GALNT10: variants seen among roughly 807,000 people sequenced by gnomAD.
GALNT10 encodes polypeptide N-acetylgalactosaminyltransferase 10, also known as GalNAc transferase 10.
GALNT10 carries 41 observed loss-of-function variants against 75.0 expected under a neutral mutation model. The ratio of observed to expected loss-of-function variants is 0.55; its 90% CI spans 0.43 to 0.71. The LOEUF (loss-of-function observed/expected upper bound fraction) is 0.71, where lower values mean the gene tolerates loss of function less well. Among genes scored for constraint, GALNT10 ranks in the 30% least tolerant of loss-of-function variants. The pLI is 0.00. For missense variants in GALNT10, 727 were observed against 818.5 expected, an observed-to-expected ratio of 0.89 and a Z score of 1.36; for synonymous variants, 302 against 313.0, an observed-to-expected ratio of 0.96 and a Z score of 0.37.
intron 4 of GALNT10, among the ~76,000 whole-genome samples, chr5:154,335,518 G>A (rs951649564): frequency 2.0e-4 from 31 of 152,178 alleles, no homozygotes; most frequent in Admixed American, 3.9e-4. Context: ...GAAAGAGCAG[G>A]ACAAGCACAG....
chr5:154,351,226 A>G (rs755222426), intron 4 of GALNT10, among the ~76,000 whole-genome samples: 18 of 152,248 alleles, frequency 1.2e-4, no homozygotes, highest in Non-Finnish European at 2.5e-4. Flanking sequence ...TTGCATACAA[A>G]GAAACTGAGA....
At chr5:154,375,768 A>AAT (rs1755645166) in intron 4 of GALNT10, among the ~76,000 whole-genome samples, 1 of 152,206 alleles carries the variant, frequency 6.6e-6, no homozygotes, top group African/African-American at 2.4e-5. Context: ...AATGCTGCAG[A>AAT]ATATTCTCAG....
Position 154,329,711 on chromosome 5 carries a change from G to A in GALNT10, c.541G>A (p.Val181Ile). Residue 181 changes from valine to isoleucine, a missense_variant, in exon 4 of 12, where the codon GTA becomes ATA. Coordinates refer to ENST00000297107, the MANE Select transcript of GALNT10 (RefSeq NM_198321.4). ...GCCTCCAGAGCTGGTCGCCGAGATTGTACTGGTCGACGACTTCAGTGATCG... is the reference window on the plus strand; with the variant it reads ...GCCTCCAGAGCTGGTCGCCGAGATTATACTGGTCGACGACTTCAGTGATCG... Reference protein sequence around the residue: ...RSPPELVAEIVLVDDFSDREH... With the variant: ...RSPPELVAEIILVDDFSDREH... 6.2e-7 allele frequency: 1 copy of A among 1,613,704 alleles called. No homozygotes were observed. The highest frequency in any genetic ancestry group is 8.5e-7 in the Non-Finnish European group (1 of 1,179,682).
chr5:154,346,627 C>T (rs1379927237), intron 4 of GALNT10, among the ~76,000 whole-genome samples: 4 of 152,170 alleles, frequency 2.6e-5, no homozygotes, highest in South Asian at 2.1e-4. Context: ...TTACAGGAGC[C>T]GCCTTGGCAG....
intron 6 of GALNT10, among the ~76,000 whole-genome samples, chr5:154,384,502 G>A (rs1582002894): frequency 6.6e-6 from 1 of 152,178 alleles, no homozygotes; most frequent in East Asian, 1.9e-4. Context: ...TGGAAATCTG[G>A]TGTGTATCTC....
intron 1 of GALNT10, among the ~76,000 whole-genome samples, chr5:154,232,835 C>T (rs954309819): frequency 2.0e-5 from 3 of 152,174 alleles, no homozygotes; most frequent in African/African-American, 7.2e-5. Flanking sequence ...ATTTTTCAAG[C>T]TTATTTGTCT....
chr5:154,324,912 G>A (rs1467512929), intron 3 of GALNT10, among the ~76,000 whole-genome samples: 1 of 151,982 alleles, frequency 6.6e-6, no homozygotes, highest in African/African-American at 2.4e-5. Flanking sequence ...AAATCGACTT[G>A]CTTAGAAAGA....
At chr5:154,344,270 G>T (rs1446639283) in intron 4 of GALNT10, among the ~76,000 whole-genome samples, 2 of 148,090 alleles carry the variant, frequency 1.4e-5, no homozygotes, top group Middle Eastern at 6.5e-3. Context: ...GAAGTACAGT[G>T]GCATGATCTC....
At chr5:154,191,131 T>C in intron 1 of GALNT10, 106 bp downstream of exon 1, 1 of 736,722 alleles carries the variant, frequency 1.4e-6, no homozygotes, top group Non-Finnish European at 1.9e-6. Context: ...CAGAGTCAGC[T>C]CCGAGACTCT....
At chr5:154,272,024 A>G (rs1753873721) in intron 1 of GALNT10, among the ~76,000 whole-genome samples, 3 of 152,178 alleles carry the variant, frequency 2.0e-5, no homozygotes, top group Admixed American at 1.3e-4. Flanking sequence ...GCCTGGCAGC[A>G]TATTTTTGCC....
chr5:154,339,568 C>CA lies in GALNT10; in HGVS notation c.568+9843dup, dbSNP rs768488385. Among the ~76,000 whole-genome samples the CA allele has an allele frequency of 8.7e-3, 1,101 of 125,882 alleles. 11 individuals are homozygous for CA. The highest frequency in any genetic ancestry group is 0.018 in the African/African-American group (613 of 33,880). 82.6% of individuals were successfully genotyped at this position (125,882 alleles called of 152,430 possible). A position where few individuals can be genotyped will look rare whatever the true frequency, so the allele number is the denominator to read the frequency against. ...CTGTATAAATGATTTACTGGGAGAGCAAAAAAAAAAAAATCAAATAAATCG... is the reference window on the plus strand; with the variant it reads ...CTGTATAAATGATTTACTGGGAGAGCAAAAAAAAAAAAAATCAAATAAATCG... On this transcript the variant is annotated intron_variant, in intron 4 of 11. Coordinates refer to ENST00000297107, the MANE Select transcript of GALNT10 (RefSeq NM_198321.4).
rs796825869 is a variant in GALNT10, at chr5:154,225,102, G to GT, written c.159+34086dup. On this transcript the variant is annotated intron_variant, in intron 1 of 11. Transcript: ENST00000297107. ...TGGCCTTTTTGGGGTTTTTTTGTTT[G>GT]TTTTTTTTTAGACAGAGTCTTGCTC... Among the ~76,000 whole-genome samples the GT allele has an allele frequency of 3.1e-4, 46 of 147,546 alleles. 1 individual carries two copies. The highest frequency in any genetic ancestry group is 6.1e-4 in the Admixed American group (9 of 14,848).
chr5:154,343,288 T>G (rs1412026178), intron 4 of GALNT10, among the ~76,000 whole-genome samples: 2 of 152,122 alleles, frequency 1.3e-5, no homozygotes, highest in Non-Finnish European at 2.9e-5. Context: ...TACTGAGTGA[T>G]GAGAACAGTC....
intron 1 of GALNT10, among the ~76,000 whole-genome samples, chr5:154,203,070 A>G (rs956736789): frequency 1.3e-5 from 2 of 152,254 alleles, no homozygotes; most frequent in Admixed American, 6.5e-5. Flanking sequence ...TCTAATTGTC[A>G]GGCTTTTGCT....
intron 7 of GALNT10, chr5:154,387,399 T>C (rs924137487): frequency 1.3e-5 from 2 of 152,216 alleles, no homozygotes; most frequent in African/African-American, 4.8e-5. Flanking sequence ...GGCTAAGGCA[T>C]ATCCCCAGCC....
At position 154,371,466 on chromosome 5, in the gene GALNT10, A is replaced by G. The variant is rs1411102537; in HGVS notation, c.569-4811A>G. Among the ~76,000 whole-genome samples, 4 of 139,058 alleles carry G rather than the reference A, an allele frequency of 2.9e-5. No homozygotes were observed. In the Admixed American group the frequency reaches 2.9e-4, roughly 10 times the overall value. The allele number at this position is 139,058 out of a possible 152,430, so 91.2% of individuals were successfully genotyped here. On this transcript the variant is annotated intron_variant, in intron 4 of 11. Coordinates refer to ENST00000297107, the MANE Select transcript of GALNT10 (RefSeq NM_198321.4). ...ATCATCAGAGTCCTAAGAACCCTTC[A>G]GACCAGACAGGAGGGAGAGGCTCCA...
At chr5:154,308,546 G>A (rs1020533932) in intron 3 of GALNT10, among the ~76,000 whole-genome samples, 2 of 152,208 alleles carry the variant, frequency 1.3e-5, no homozygotes, top group Non-Finnish European at 2.9e-5. Flanking sequence ...CCCTGTCGGA[G>A]ACCCTGAGAA....
chr5:154,283,243 A>G (rs1245658980), intron 1 of GALNT10, among the ~76,000 whole-genome samples: 2 of 147,720 alleles, frequency 1.4e-5, no homozygotes, highest in African/African-American at 2.5e-5. Context: ...CAGGAGGTTG[A>G]GACCAACCTG....
chr5:154,242,641 C>A (rs868699052), intron 1 of GALNT10, among the ~76,000 whole-genome samples: 2 of 152,160 alleles, frequency 1.3e-5, no homozygotes, highest in East Asian at 1.9e-4. Context: ...GCTCAATGAC[C>A]GTGGGCACTT....
Sources: gnomAD v4.1 joint callset for allele counts (sites outside exome capture counted in the v4.1 genomes callset) on GRCh38, gnomAD v4.1.1 for gene constraint, MANE v1.5 for transcripts, NCBI Gene and HGNC (gene_info 2026-07-23, HGNC 2026-07-21) for gene names.